Variants in AKAP6 observed in about 807,000 individuals in gnomAD.
AKAP6 encodes A-kinase anchoring protein 6.
Under a neutral mutation model 188.5 loss-of-function variants are expected in AKAP6, and 58 were observed. The ratio of observed to expected loss-of-function variants is 0.31; its 90% CI spans 0.25 to 0.38. The LOEUF is 0.38. AKAP6 is among the 10% of genes least tolerant of loss of function. The pLI is 1.00. For synonymous variants in AKAP6, 989 were observed against 998.6 expected (o/e 0.99, Z 0.18); for missense variants, 2,710 against 2,740.0 (o/e 0.99, Z 0.24).
chr14:32,582,415 G>A (rs952352308), intron 5 of AKAP6, among the ~76,000 whole-genome samples: 7 of 151,096 alleles, frequency 4.6e-5, no homozygotes, highest in African/African-American at 1.2e-4. Flanking sequence ...TTTCTCTCTG[G>A]CTGCCCTTAA....
At chr14:32,685,411 G>A (rs1889868642) in intron 8 of AKAP6, among the ~76,000 whole-genome samples, 1 of 152,014 alleles carries the variant, frequency 6.6e-6, no homozygotes, top group Admixed American at 6.6e-5. Context: ...CTTAAAGGAT[G>A]CATAGATTTT....
At chr14:32,736,857 A>G (rs933339312) in intron 11 of AKAP6, among the ~76,000 whole-genome samples, 4 of 152,104 alleles carry the variant, frequency 2.6e-5, no homozygotes, top group African/African-American at 9.7e-5. Flanking sequence ...GCTCACCTCT[A>G]TAACCCTAGT....
At chr14:32,346,175 G>A (rs1887059190) in intron 1 of AKAP6, among the ~76,000 whole-genome samples, 1 of 152,152 alleles carries the variant, frequency 6.6e-6, no homozygotes, top group African/African-American at 2.4e-5. Context: ...AGCTCTTCCT[G>A]GTAAAGGTGC....
chr14:32,764,033 A>C (rs764121948), intron 11 of AKAP6, among the ~76,000 whole-genome samples: 1 of 152,228 alleles, frequency 6.6e-6, no homozygotes, highest in Non-Finnish European at 1.5e-5. Context: ...TATCAGGACC[A>C]AAAGAGCTTC....
chr14:32,448,369 C>G (rs557787908), intron 2 of AKAP6, among the ~76,000 whole-genome samples: 1 of 152,302 alleles, frequency 6.6e-6, no homozygotes, highest in African/African-American at 2.4e-5. Flanking sequence ...CCCTTTCTTC[C>G]TCTTAAAATT....
intron 5 of AKAP6, among the ~76,000 whole-genome samples, chr14:32,591,608 A>G (rs915472157): frequency 5.3e-5 from 8 of 151,758 alleles, no homozygotes; most frequent in African/African-American, 1.7e-4. Context: ...CTCCTCAGGA[A>G]GAAGGAGGAT....
At chr14:32,744,309 A>T (rs2223904) in intron 11 of AKAP6, among the ~76,000 whole-genome samples, 99,325 of 151,366 alleles carry the variant, frequency 0.66, 32,925 homozygotes, top group East Asian at 0.87. Context: ...TTTTTTAATT[A>T]TTTTATTTTA....
At chr14:32,761,032 A>G (rs1027435361) in intron 11 of AKAP6, among the ~76,000 whole-genome samples, 1 of 152,220 alleles carries the variant, frequency 6.6e-6, no homozygotes, top group Non-Finnish European at 1.5e-5. Context: ...AACGGAAAGG[A>G]AAGAGCTAAG....
chr14:32,805,212 C>T (rs1286635742), intron 12 of AKAP6, among the ~76,000 whole-genome samples: 1 of 152,174 alleles, frequency 6.6e-6, no homozygotes, highest in Non-Finnish European at 1.5e-5. Context: ...TGTTCCTCTG[C>T]CACGGCTCCT....
chr14:32,486,098 T>C (rs955468531), intron 2 of AKAP6, among the ~76,000 whole-genome samples: 5 of 152,212 alleles, frequency 3.3e-5, no homozygotes, highest in Non-Finnish European at 7.3e-5. Context: ...TGCTTGTTTG[T>C]GTCAGGTTTG....
intron 1 of AKAP6, among the ~76,000 whole-genome samples, chr14:32,422,332 A>C (rs1195322317): frequency 2.0e-5 from 3 of 152,118 alleles, no homozygotes; most frequent in Non-Finnish European, 4.4e-5. Context: ...CTCAGATTTG[A>C]TAATACACTA....
intron 7 of AKAP6, among the ~76,000 whole-genome samples, chr14:32,654,518 T>C (rs1049601459): frequency 1.3e-5 from 2 of 151,966 alleles, no homozygotes; most frequent in Non-Finnish European, 2.9e-5. Context: ...TATACCAGAC[T>C]GATAGTCTTT....
intron 2 of AKAP6, among the ~76,000 whole-genome samples, chr14:32,483,178 T>C (rs1034745959): frequency 6.6e-6 from 1 of 152,174 alleles, no homozygotes; most frequent in Non-Finnish European, 1.5e-5. Flanking sequence ...TTCAGTGTGA[T>C]TTAATTTTTA....
chr14:32,391,042 G>T (rs1888698149), intron 1 of AKAP6, among the ~76,000 whole-genome samples: 1 of 152,132 alleles, frequency 6.6e-6, no homozygotes, highest in Admixed American at 6.6e-5. Context: ...CTGCTTCTCT[G>T]TAATACGGGT....
chr14:32,674,810 C>A (rs1205079394), intron 7 of AKAP6, among the ~76,000 whole-genome samples: 1 of 152,052 alleles, frequency 6.6e-6, no homozygotes, highest in Non-Finnish European at 1.5e-5. Context: ...GCATTTAAAG[C>A]CATGGAAGAG....
chr14:32,526,992 G>T (rs1245351302), intron 2 of AKAP6, among the ~76,000 whole-genome samples: 1 of 152,140 alleles, frequency 6.6e-6, no homozygotes, highest in Non-Finnish European at 1.5e-5. Context: ...TGTACATAGT[G>T]TACATTGGGT....
intron 9 of AKAP6, 64 bp downstream of exon 9, chr14:32,696,174 C>T (rs780785925): frequency 5.2e-6 from 8 of 1,537,788 alleles, no homozygotes; most frequent in Non-Finnish European, 7.0e-6. Flanking sequence ...ACAAGTCTCT[C>T]TCTCTCTCTC....
At chr14:32,762,767 G>A (rs1424196350) in intron 11 of AKAP6, among the ~76,000 whole-genome samples, 2 of 151,958 alleles carry the variant, frequency 1.3e-5, no homozygotes, top group Admixed American at 6.6e-5. Flanking sequence ...GGATCTTCAA[G>A]AATTTACAGT....
intron 2 of AKAP6, among the ~76,000 whole-genome samples, chr14:32,474,887 T>G (rs1878976716): frequency 6.6e-6 from 1 of 152,250 alleles, no homozygotes; most frequent in Admixed American, 6.5e-5. Flanking sequence ...GCAAAACGGA[T>G]GAAAATTCTA....
Sources: allele counts gnomAD v4.1 joint callset (sites outside exome capture counted in the v4.1 genomes callset), GRCh38; gene constraint gnomAD v4.1.1; transcripts MANE v1.5; gene names NCBI Gene and HGNC (gene_info 2026-07-23, HGNC 2026-07-21).